Variants in KPNA7 observed in about 807,000 individuals in gnomAD.
KPNA7 encodes karyopherin subunit alpha 7, also known as importin subunit alpha-8.
KPNA7 carries 54 observed loss-of-function variants against 53.7 expected under a neutral mutation model. The ratio of observed to expected loss-of-function variants is 1.01; its 90% CI spans 0.81 to 1.26. The LOEUF (loss-of-function observed/expected upper bound fraction) is 1.26, where lower values mean the gene tolerates loss of function less well. KPNA7 is among the 50% of genes most tolerant of loss of function. The pLI is 0.00. For synonymous variants in KPNA7, 276 were observed against 259.3 expected (o/e 1.06, Z -0.62); for missense variants, 640 against 644.5 (o/e 0.99, Z 0.07).
chr7:99,203,388 A>C, intron 2 of KPNA7, 148 bp from the exon 3 acceptor site: 1 of 714,352 alleles, frequency 1.4e-6, no homozygotes, highest in Non-Finnish European at 2.3e-6. Context: ...AAATCATCTC[A>C]GCTCTGTTTA....
intron 5 of KPNA7, among the ~76,000 whole-genome samples, chr7:99,194,557 G>A (rs905151352): frequency 1.2e-4 from 19 of 152,172 alleles, no homozygotes; most frequent in Admixed American, 1.2e-3. Context: ...AGTATACACT[G>A]TATCATCCTG....
chr7:99,196,269 C>T (rs1035722366), intron 3 of KPNA7, 103 bp from the exon 4 acceptor site: 2 of 747,344 alleles, frequency 2.7e-6, no homozygotes, highest in Non-Finnish European at 4.6e-6. Flanking sequence ...CTGGCTTGAA[C>T]AGGATGTCCC....
At chr7:99,206,090 C>G (rs949589641) in intron 2 of KPNA7, among the ~76,000 whole-genome samples, 1 of 152,180 alleles carries the variant, frequency 6.6e-6, no homozygotes, top group Admixed American at 6.6e-5. Context: ...GCCTCATTGA[C>G]GTGAGCAGCT....
upstream of KPNA7, among the ~76,000 whole-genome samples, chr7:99,211,582 A>G (rs866499096): frequency 1.5e-5 from 2 of 134,276 alleles, no homozygotes; most frequent in South Asian, 2.9e-4. Context: ...GAGATAGAAC[A>G]ACAGAGTTAG....
In KPNA7 at chr7:99,184,919, C is replaced by A; in HGVS notation, c.1134+10G>T. The A allele has an allele frequency of 1.3e-6, 2 of 1,549,130 alleles. No homozygotes were observed. The highest frequency in any genetic ancestry group is 1.7e-6 in the Non-Finnish European group (2 of 1,144,554). ...AGTCCTTTGCCATGGTTGCTGTGTG[C>A]GCCACTTACGTTTTTTAGCAGAGCC... On this transcript the variant is annotated intron_variant, in intron 8 of 10. Transcript: ENST00000327442.
chr7:99,191,686 G>A (rs528767143), intron 6 of KPNA7, among the ~76,000 whole-genome samples: 11 of 151,754 alleles, frequency 7.2e-5, no homozygotes, highest in African/African-American at 2.7e-4. Flanking sequence ...GTCTTGCTCT[G>A]TTGCCCAGGC....
rs1228748937 is a variant in KPNA7, at chr7:99,188,474, T to C, written c.726A>G (p.Ile242Met). 11 of 1,551,554 alleles carry C rather than the reference T, an allele frequency of 7.1e-6. No individual in the cohort carries two copies. The highest frequency in any genetic ancestry group is 2.0e-5 in the Admixed American group (1 of 50,954). Reference protein sequence around the residue: ...PYPCDTAVKQILPALLHLLQH... With the variant: ...PYPCDTAVKQMLPALLHLLQH... ...GCAGGAGGTGAAGGAGGGCCGGCAGTATCTGCTTCACCGCAGTGTCGCAAG... is the reference window on the plus strand; with the variant it reads ...GCAGGAGGTGAAGGAGGGCCGGCAGCATCTGCTTCACCGCAGTGTCGCAAG... The change falls in exon 7 of 11, where the codon ATA becomes ATG. Residue 242 changes from isoleucine to methionine, a missense_variant. By Grantham distance (10) the Ile-to-Met change is conservative (BLOSUM62 1). Transcript: ENST00000327442.
chr7:99,192,963 GATT>G (rs1399122746), intron 6 of KPNA7, 53 bp downstream of exon 6: 1 of 1,250,446 alleles, frequency 8.0e-7, no homozygotes, highest in East Asian at 2.6e-5. Flanking sequence ...TCTCTATTAA[GATT>G]ATTTTAAAAT....
chr7:99,212,308 G>A (rs1030010581), upstream of KPNA7, among the ~76,000 whole-genome samples: 28 of 134,772 alleles, frequency 2.1e-4, no homozygotes, highest in Middle Eastern at 4.8e-3. Context: ...GCAGTGGTGC[G>A]ATCTCAGCTC....
At chr7:99,200,079 T>G (rs1319996274) in intron 3 of KPNA7, among the ~76,000 whole-genome samples, 1 of 152,130 alleles carries the variant, frequency 6.6e-6, no homozygotes, top group African/African-American at 2.4e-5. Context: ...ATTTTTATGT[T>G]TTTAGTAGAG....
At chr7:99,147,668 G>A in the KPNA7 span, among the ~76,000 whole-genome samples, 2 of 152,196 alleles carry the variant, frequency 1.3e-5, no homozygotes, top group African/African-American at 4.8e-5. Flanking sequence ...GCAGGCGCCT[G>A]TAATCCCAGC....
chr7:99,181,604 G>A (rs1799276442), intron 9 of KPNA7, among the ~76,000 whole-genome samples: 1 of 152,192 alleles, frequency 6.6e-6, no homozygotes, highest in African/African-American at 2.4e-5. Flanking sequence ...CTGGAGTGCA[G>A]TGGCACTATC....
chr7:99,195,881 C>T (rs552720227), intron 4 of KPNA7, among the ~76,000 whole-genome samples: 1 of 152,354 alleles, frequency 6.6e-6, no homozygotes, highest in African/African-American at 2.4e-5. Flanking sequence ...CAATTCATCT[C>T]TGACAACACA....
chr7:99,158,352 T>C, the KPNA7 span, among the ~76,000 whole-genome samples: 1 of 152,166 alleles, frequency 6.6e-6, no homozygotes, highest in African/African-American at 2.4e-5. Flanking sequence ...ATGTTTTTTT[T>C]CTCCACTTCT....
At chr7:99,149,726 A>G in the KPNA7 span, among the ~76,000 whole-genome samples, 1 of 152,136 alleles carries the variant, frequency 6.6e-6, no homozygotes, top group Non-Finnish European at 1.5e-5. Flanking sequence ...AACCTTTAAA[A>G]TCTTCTCTGT....
the KPNA7 span, among the ~76,000 whole-genome samples, chr7:99,149,094 T>C: frequency 6.6e-6 from 1 of 151,860 alleles, no homozygotes; most frequent in East Asian, 1.9e-4. Context: ...GTGGAGATGA[T>C]ATTTCACCAT....
intron 7 of KPNA7, among the ~76,000 whole-genome samples, chr7:99,186,704 C>T (rs2150729370): frequency 6.6e-6 from 1 of 152,090 alleles, no homozygotes; most frequent in East Asian, 1.9e-4. Flanking sequence ...GATTGTATCA[C>T]CACACTCCGG....
downstream of KPNA7, among the ~76,000 whole-genome samples, chr7:99,168,958 G>A (rs534839508): frequency 6.6e-6 from 1 of 152,244 alleles, no homozygotes; most frequent in Non-Finnish European, 1.5e-5. Flanking sequence ...GCCAAGCCAA[G>A]GTGGGTGGAT....
At chr7:99,178,177 C>T in intron 9 of KPNA7, 111 bp from the exon 10 acceptor site, 1 of 917,408 alleles carries the variant, frequency 1.1e-6, no homozygotes, top group East Asian at 2.7e-5. Context: ...CAAAGGCTAC[C>T]ATTCCAGAAT....
Sources: allele counts gnomAD v4.1 joint callset (sites outside exome capture counted in the v4.1 genomes callset), GRCh38; gene constraint gnomAD v4.1.1; transcripts MANE v1.5; gene names NCBI Gene and HGNC (gene_info 2026-07-23, HGNC 2026-07-21).